CTNND2: variants seen among roughly 807,000 people sequenced by gnomAD.
CTNND2 encodes the protein catenin delta-2.
In CTNND2, 22 loss-of-function variants were observed where a neutral mutation model predicts 144.4. The observed-to-expected ratio is 0.15, with a 90% CI of 0.11 to 0.22. The LOEUF (loss-of-function observed/expected upper bound fraction) is 0.22. Among genes scored for constraint, CTNND2 ranks in the 10% least tolerant of loss-of-function variants. The probability of loss-of-function intolerance (pLI) is 1.00; values close to 1 mark genes in which losing one functional copy is unlikely to be tolerated. For missense variants in CTNND2, 1,353 were observed against 1,618.8 expected, an observed-to-expected ratio of 0.84 and a Z score of 2.82; for synonymous variants, 751 against 695.6, an observed-to-expected ratio of 1.08 and a Z score of -1.25.
At chr5:11,807,988 G>C (rs4565211) in intron 1 of CTNND2, among the ~76,000 whole-genome samples, 15,128 of 152,066 alleles carry the variant, frequency 0.099, 1,778 homozygotes, top group African/African-American at 0.28. Context: ...CAGTAATAGT[G>C]GCTCCCTACA....
intron 10 of CTNND2, among the ~76,000 whole-genome samples, chr5:11,232,683 T>C (rs1741168013): frequency 6.6e-6 from 1 of 152,188 alleles, no homozygotes; most frequent in African/African-American, 2.4e-5. Flanking sequence ...GATGAGACTT[T>C]GGACTTGGAC....
chr5:11,841,076 A>G (rs1208600772), intron 1 of CTNND2, among the ~76,000 whole-genome samples: 2 of 152,150 alleles, frequency 1.3e-5, no homozygotes, highest in Non-Finnish European at 2.9e-5. Flanking sequence ...TGAGACAACT[A>G]CTGTATTAAT....
intron 11 of CTNND2, among the ~76,000 whole-genome samples, chr5:11,168,870 C>T: frequency 6.6e-6 from 1 of 152,000 alleles, no homozygotes. Context: ...AATACCCCCA[C>T]TATCTGATTA....
intron 9 of CTNND2, among the ~76,000 whole-genome samples, chr5:11,287,588 G>A (rs934781960): frequency 6.6e-6 from 1 of 152,200 alleles, no homozygotes; most frequent in African/African-American, 2.4e-5. Flanking sequence ...ATCCTTAGAA[G>A]TGTTCAAGGT....
chr5:11,690,121 G>C (rs1362834833), intron 2 of CTNND2, among the ~76,000 whole-genome samples: 1 of 152,210 alleles, frequency 6.6e-6, no homozygotes, highest in Non-Finnish European at 1.5e-5. Flanking sequence ...CGACTTAAAT[G>C]AAAGTGACAA....
chr5:11,881,536 G>A (rs548990013), intron 1 of CTNND2, among the ~76,000 whole-genome samples: 3 of 151,930 alleles, frequency 2.0e-5, no homozygotes, highest in Admixed American at 6.6e-5. Context: ...TGCGGTGTTT[G>A]TATTTCTATG....
intron 18 of CTNND2, among the ~76,000 whole-genome samples, chr5:11,005,845 A>G (rs1740424195): frequency 1.3e-5 from 2 of 152,266 alleles, no homozygotes; most frequent in East Asian, 3.8e-4. Flanking sequence ...GATACAAACT[A>G]GTCTTCAAAT....
intron 5 of CTNND2, among the ~76,000 whole-genome samples, chr5:11,399,972 C>G (rs1233593854): frequency 6.6e-6 from 1 of 152,134 alleles, no homozygotes; most frequent in Non-Finnish European, 1.5e-5. Flanking sequence ...AATTTTAGGA[C>G]AATTCTTAAC....
intron 1 of CTNND2, among the ~76,000 whole-genome samples, chr5:11,874,014 C>T (rs1735360608): frequency 6.6e-6 from 1 of 152,176 alleles, no homozygotes; most frequent in African/African-American, 2.4e-5. Context: ...ACACAGACAT[C>T]CAAGCCCTAC....
chr5:11,493,277 T>C (rs141767309), intron 3 of CTNND2, among the ~76,000 whole-genome samples: 2 of 152,240 alleles, frequency 1.3e-5, no homozygotes, highest in African/African-American at 4.8e-5. Flanking sequence ...ACCTGCAGAA[T>C]CCCTGAGTTT....
At chr5:11,081,732 C>A (rs1474992352) in intron 16 of CTNND2, among the ~76,000 whole-genome samples, 1 of 152,124 alleles carries the variant, frequency 6.6e-6, no homozygotes, top group African/African-American at 2.4e-5. Context: ...AAGTCAGACA[C>A]AAAGGTCATA....
At chr5:10,980,864 T>C (rs1001676774) in intron 21 of CTNND2, among the ~76,000 whole-genome samples, 7 of 151,178 alleles carry the variant, frequency 4.6e-5, no homozygotes, top group African/African-American at 1.7e-4. Flanking sequence ...CACATGGACA[T>C]AGGGGAACAT....
chr5:11,592,236 CTGCCTTCCTGCCTGCT>C (rs57837328), intron 2 of CTNND2, among the ~76,000 whole-genome samples: 71,713 of 102,910 alleles, frequency 0.7, 25,524 homozygotes, highest in African/African-American at 0.77. Flanking sequence ...TCCTGCCTGC[CTGCCTTCCTGCCTGCT>C]TGCCTTCCTG....
intron 20 of CTNND2, among the ~76,000 whole-genome samples, chr5:10,983,555 C>T (rs751453937): frequency 2.8e-4 from 43 of 152,092 alleles, no homozygotes; most frequent in Non-Finnish European, 5.3e-4. Flanking sequence ...AAGTGAGAGC[C>T]GAAAGTCCAT....
At chr5:11,065,426 C>A (rs767618315) in intron 16 of CTNND2, among the ~76,000 whole-genome samples, 1 of 152,240 alleles carries the variant, frequency 6.6e-6, no homozygotes, top group Non-Finnish European at 1.5e-5. Context: ...GATACTTTGT[C>A]ATTCAAATTC....
intron 2 of CTNND2, among the ~76,000 whole-genome samples, chr5:11,712,744 T>G (rs1291974233): frequency 6.6e-6 from 1 of 152,188 alleles, no homozygotes; most frequent in African/African-American, 2.4e-5. Flanking sequence ...AAAGAGTCGT[T>G]CATCCTAGAA....
Position 11,111,005 on chromosome 5 carries a change from C to G in CTNND2, c.2316G>C (p.Ser772=), listed in dbSNP as rs148199852. The G allele has an allele frequency of 1.2e-6, 2 of 1,614,034 alleles. No homozygotes were observed. The highest frequency in any genetic ancestry group is 1.7e-6 in the Non-Finnish European group (2 of 1,179,980). ...GAGACGTTTCTGCCGCCAGCCGGTACGAGAGGTTCCTTAAAATGCACACAC... is the reference window on the plus strand; with the variant it reads ...GAGACGTTTCTGCCGCCAGCCGGTAGGAGAGGTTCCTTAAAATGCACACAC... ...ENCVCILRNL[S]YRLAAETSQG... The change falls in exon 14 of 22, where the codon TCG becomes TCC. Residue 772 remains serine, a synonymous_variant. Transcript: ENST00000304623.
chr5:11,591,582 C>T (rs1044544067), intron 2 of CTNND2, among the ~76,000 whole-genome samples: 1 of 151,074 alleles, frequency 6.6e-6, no homozygotes, highest in African/African-American at 2.4e-5. Context: ...TTTGCCAGCT[C>T]ATTGTTACTC....
chr5:11,214,502 G>T (rs1738969513), intron 10 of CTNND2, among the ~76,000 whole-genome samples: 1 of 152,150 alleles, frequency 6.6e-6, no homozygotes, highest in African/African-American at 2.4e-5. Flanking sequence ...TAATAACGAA[G>T]CAGGGCCTTT....
Sources: allele counts gnomAD v4.1 joint callset (sites outside exome capture counted in the v4.1 genomes callset), GRCh38; gene constraint gnomAD v4.1.1; transcripts MANE v1.5; gene names NCBI Gene and HGNC (gene_info 2026-07-23, HGNC 2026-07-21).